CREBL2: variants seen among roughly 807,000 people sequenced by gnomAD.
The protein encoded by CREBL2 is cAMP-responsive element-binding protein-like 2.
Under a neutral mutation model 19.5 loss-of-function variants are expected in CREBL2, and 4 were observed. The ratio of observed to expected loss-of-function variants is 0.20; its 90% CI spans 0.10 to 0.47. CREBL2 has a LOEUF of 0.47. Ranked by LOEUF, CREBL2 falls within the 20% of genes least tolerant of loss-of-function variation. The pLI is 0.98. For synonymous variants in CREBL2, 42 were observed against 46.6 expected (o/e 0.90, Z 0.40); for missense variants, 85 against 145.1 (o/e 0.59, Z 2.13).
rs1945549364 is a variant in CREBL2 at position 12,644,450 on chromosome 12, G to C, written c.*2452G>C. The C allele has an allele frequency of 6.6e-6, 1 of 152,524 alleles. No homozygotes were observed. The highest frequency in any genetic ancestry group is 2.4e-5 in the African/African-American group (1 of 41,412). The allele number at this position is 152,524 out of a possible 1,614,324, so 9.4% of individuals were successfully genotyped here. Reference sequence around the variant, plus strand: ...GAAGGTGCTGCTCTCCTTGCTTTCTGAGTAAACAGAGTAATGTTTTTTTTC... The same window carrying C: ...GAAGGTGCTGCTCTCCTTGCTTTCTCAGTAAACAGAGTAATGTTTTTTTTC... On this transcript the variant is annotated 3_prime_UTR_variant, in exon 4 of 4. Coordinates refer to ENST00000228865, the MANE Select transcript of CREBL2 (RefSeq NM_001310.4).
At chr12:12,634,890 T>C (rs1945462994) in intron 1 of CREBL2, among the ~76,000 whole-genome samples, 1 of 151,744 alleles carries the variant, frequency 6.6e-6, no homozygotes, top group Non-Finnish European at 1.5e-5. Flanking sequence ...ACACCATCTC[T>C]ACAAAGCGAT....
At chr12:12,613,760 C>A (rs2136297563) in intron 1 of CREBL2, among the ~76,000 whole-genome samples, 1 of 152,194 alleles carries the variant, frequency 6.6e-6, no homozygotes, top group South Asian at 2.1e-4. Context: ...AAGAATCTTG[C>A]CCTTGTTTGT....
intron 1 of CREBL2, among the ~76,000 whole-genome samples, chr12:12,624,508 C>T (rs1001489812): frequency 1.1e-4 from 17 of 152,230 alleles, no homozygotes; most frequent in Admixed American, 6.5e-5. Context: ...CTCTCAACTC[C>T]TTGCAGGAGG....
In CREBL2 at chr12:12,643,273, A is replaced by C. The variant is rs1159762156; in HGVS notation, c.*1275A>C. ...CACTTACTTTCTCCCTGACTACCAA[A>C]TGGAGTGACGGTTGAAGAATCAAGC... On this transcript the variant is annotated 3_prime_UTR_variant, in exon 4 of 4. Transcript: ENST00000228865. 1 of 152,556 alleles carries C rather than the reference A, an allele frequency of 6.6e-6. No individual in the cohort carries two copies. The highest frequency in any genetic ancestry group is 1.5e-5 in the Non-Finnish European group (1 of 68,050). The allele number at this position is 152,556 out of a possible 1,614,324, so 9.5% of individuals were successfully genotyped here.
chr12:12,625,831 CATTAAG>C (rs1171590475), intron 1 of CREBL2, among the ~76,000 whole-genome samples: 13 of 152,262 alleles, frequency 8.5e-5, no homozygotes, highest in African/African-American at 2.4e-4. Flanking sequence ...AGTCTAAATA[CATTAAG>C]ATTAAGTGTC....
At chr12:12,625,203 C>T (rs78602048) in intron 1 of CREBL2, among the ~76,000 whole-genome samples, 2 of 152,124 alleles carry the variant, frequency 1.3e-5, no homozygotes, top group Non-Finnish European at 2.9e-5. Flanking sequence ...TCAGGCTTTT[C>T]GGCTTGAGGA....
At chr12:12,641,658 G>A (rs1037481432) in intron 3 of CREBL2, among the ~76,000 whole-genome samples, 1 of 151,888 alleles carries the variant, frequency 6.6e-6, no homozygotes, top group African/African-American at 2.4e-5. Flanking sequence ...TGAAGAAATC[G>A]GCTTTTTGAT....
intron 1 of CREBL2, among the ~76,000 whole-genome samples, chr12:12,618,623 C>G (rs567882005): frequency 6.6e-6 from 1 of 152,146 alleles, no homozygotes; most frequent in Non-Finnish European, 1.5e-5. Context: ...ACTTCCCAGG[C>G]GGGGTGGCGG....
chr12:12,615,669 T>G (rs544558156), intron 1 of CREBL2: 1 of 152,130 alleles, frequency 6.6e-6, no homozygotes, highest in African/African-American at 2.4e-5. Context: ...AATTTTTGTA[T>G]TTTTAGTAGA....
rs145667944 is a variant in CREBL2 at position 12,623,005 on chromosome 12, T to C, written c.15+10818T>C. Among the ~76,000 whole-genome samples, 1,481 of 152,236 alleles carry C rather than the reference T, an allele frequency of 9.7e-3. 11 individuals carry two copies. The highest frequency in any genetic ancestry group is 0.014 in the Non-Finnish European group (933 of 68,034). On this transcript the variant is annotated intron_variant, in intron 1 of 3. Coordinates refer to ENST00000228865, the MANE Select transcript of CREBL2 (RefSeq NM_001310.4). ...AGTTGCCTTAATTAGAGCATCAGGA[T>C]GTAAATAAGTGTAAAAAGGGTGATA...
At chr12:12,631,495 T>A (rs777164178) in intron 1 of CREBL2, among the ~76,000 whole-genome samples, 11 of 152,248 alleles carry the variant, frequency 7.2e-5, no homozygotes, top group Non-Finnish European at 1.2e-4. Flanking sequence ...GGAGTTTATG[T>A]CGGTACATGA....
chr12:12,641,247 A>ATT (rs1380373401), intron 3 of CREBL2, among the ~76,000 whole-genome samples: 263 of 21,838 alleles, frequency 0.012, 6 homozygotes, highest in African/African-American at 0.015. Flanking sequence ...TATTATTATT[A>ATT]TTATTATTTT....
At chr12:12,620,036 T>C (rs1945348300) in intron 1 of CREBL2, among the ~76,000 whole-genome samples, 1 of 152,214 alleles carries the variant, frequency 6.6e-6, no homozygotes, top group African/African-American at 2.4e-5. Context: ...TTCCCTCATT[T>C]ATCTTTTGGC....
intron 2 of CREBL2, among the ~76,000 whole-genome samples, chr12:12,636,322 A>G (rs1945474941): frequency 6.6e-6 from 1 of 152,262 alleles, no homozygotes; most frequent in South Asian, 2.1e-4. Flanking sequence ...ATGTAGAAAG[A>G]TACAATATAT....
In CREBL2 at chr12:12,644,699, C is replaced by T. The variant is rs753426888; in HGVS notation, c.*2701C>T. ...TATCTAAATTAGAATGATCATCCTG[C>T]GCAAATTCAGATTACTGTTTGCTGG... On this transcript the variant is annotated 3_prime_UTR_variant, in exon 4 of 4. Transcript: ENST00000228865. The T allele has an allele frequency of 2.0e-4, 30 of 152,576 alleles. No individual in the cohort carries two copies. The highest frequency in any genetic ancestry group is 6.6e-4 in the Admixed American group (10 of 15,260). 9.5% of individuals were successfully genotyped at this position (152,576 alleles called of 1,614,324 possible). A position where few individuals can be genotyped will look rare whatever the true frequency, so the allele number is the denominator to read the frequency against.
chr12:12,613,483 A>T (rs549139192), intron 1 of CREBL2, among the ~76,000 whole-genome samples: 1 of 152,036 alleles, frequency 6.6e-6, no homozygotes, highest in South Asian at 2.1e-4. Flanking sequence ...AAAATTTCCA[A>T]CTTCTCTGTG....
intron 1 of CREBL2, among the ~76,000 whole-genome samples, chr12:12,628,131 C>T (rs1566110409): frequency 6.6e-6 from 1 of 152,150 alleles, no homozygotes; most frequent in Admixed American, 6.5e-5. Context: ...CCGCCCACCT[C>T]AGCCTCCCAA....
At chr12:12,624,905 A>C (rs147788342) in intron 1 of CREBL2, among the ~76,000 whole-genome samples, 228 of 152,322 alleles carry the variant, frequency 1.5e-3, no homozygotes, top group African/African-American at 5.0e-3. Context: ...TGCTGATGAA[A>C]GTAGTTCTCA....
chr12:12,621,523 C>CAAAAA (rs61201510), intron 1 of CREBL2, among the ~76,000 whole-genome samples: 11 of 64,864 alleles, frequency 1.7e-4, no homozygotes, highest in East Asian at 4.4e-4. Context: ...CGTCTCAAAC[C>CAAAAA]AAAAAAAAAA....
Sources: allele counts gnomAD v4.1 joint callset (sites outside exome capture counted in the v4.1 genomes callset), GRCh38; gene constraint gnomAD v4.1.1; transcripts MANE v1.5; gene names NCBI Gene and HGNC (gene_info 2026-07-23, HGNC 2026-07-21).